Variants in GALNT18 observed in about 807,000 individuals in gnomAD.
GALNT18 encodes GalNAc-transferase 18.
In GALNT18, 44 loss-of-function variants were observed where a neutral mutation model predicts 69.5. The observed-to-expected ratio is 0.63, with a 90% confidence interval of 0.50 to 0.81. GALNT18 has a LOEUF of 0.81. GALNT18 is among the 40% of genes least tolerant of loss of function. The pLI, the probability that GALNT18 is intolerant of heterozygous loss-of-function variation, is 0.00. For synonymous variants in GALNT18, 364 were observed against 318.2 expected (o/e 1.14, Z -1.53); for missense variants, 715 against 810.0 (o/e 0.88, Z 1.42).
chr11:11,295,264 A>G (rs1410920985), intron 9 of GALNT18, among the ~76,000 whole-genome samples: 1 of 152,106 alleles, frequency 6.6e-6, no homozygotes, highest in Non-Finnish European at 1.5e-5. Context: ...AACAGGAAAG[A>G]GACGGCCCAC....
At chr11:11,336,131 T>C (rs544739531) in intron 7 of GALNT18, among the ~76,000 whole-genome samples, 2 of 152,334 alleles carry the variant, frequency 1.3e-5, no homozygotes, top group East Asian at 3.9e-4. Context: ...ACTCAGCCTG[T>C]CTTTGGGCAA....
intron 1 of GALNT18, among the ~76,000 whole-genome samples, chr11:11,515,962 C>A (rs768147236): frequency 1.3e-5 from 2 of 152,156 alleles, no homozygotes; most frequent in Non-Finnish European, 2.9e-5. Flanking sequence ...AGTTTCTGGG[C>A]GGGCCCAGTC....
Position 11,590,944 on chromosome 11 carries a change from T to C in GALNT18, c.235+30415A>G, listed in dbSNP as rs74514623. On this transcript the variant is annotated intron_variant, in intron 1 of 10. Coordinates refer to ENST00000227756, the MANE Select transcript of GALNT18 (RefSeq NM_198516.3). This position sits in a 1 kb window ranked among gnomAD's most constrained non-coding sequence, Gnocchi z 4.4. ...ACTGGTTTATGTATTTACTATATTA[T>C]ATTTTTACTATTATTTTAGAATATA... is the stretch of plus-strand genomic sequence containing the variant. Among the ~76,000 whole-genome samples the C allele has an allele frequency of 0.024, 3,687 of 152,316 alleles. 157 individuals carry two copies. Among genetic ancestry groups the C allele is most frequent in the African/African-American group, 0.085 (3,515 of 41,550 alleles).
chr11:11,370,654 G>A (rs1850880628), intron 6 of GALNT18, among the ~76,000 whole-genome samples: 1 of 151,190 alleles, frequency 6.6e-6, no homozygotes, highest in South Asian at 2.1e-4. Flanking sequence ...ACCACCCAGA[G>A]ACATTTTAAC....
chr11:11,539,001 C>T (rs1453686605), intron 1 of GALNT18, among the ~76,000 whole-genome samples: 1 of 152,208 alleles, frequency 6.6e-6, no homozygotes, highest in Non-Finnish European at 1.5e-5. Flanking sequence ...AGGGACCTAA[C>T]TATCTTGTTC....
chr11:11,452,820 T>C (rs893693895), intron 1 of GALNT18, among the ~76,000 whole-genome samples: 5 of 152,160 alleles, frequency 3.3e-5, no homozygotes, highest in Admixed American at 1.3e-4. Context: ...CTGAAGCCCC[T>C]GCAGGCATTC....
rs1589999790 is a variant in GALNT18, at chr11:11,436,007, C to T, written c.429-3220G>A. Among the ~76,000 whole-genome samples the T allele has an allele frequency of 6.6e-6, 1 of 152,262 alleles. No homozygotes were observed. Among genetic ancestry groups the T allele is most frequent in the African/African-American group, 2.4e-5 (1 of 41,466 alleles). On this transcript the variant is annotated intron_variant, in intron 2 of 10. Transcript: ENST00000227756. The surrounding 1 kb of genome is among the most constrained non-coding windows in gnomAD (Gnocchi z 4.5). The stretch of plus-strand genomic sequence containing the variant: ...CAGCCATGCTGCCGCTGTGGCCTCT[C>T]TCTCGGCATCAGGAGACACCTTTCC...
chr11:11,412,152 G>A (rs1271414038), intron 3 of GALNT18, among the ~76,000 whole-genome samples: 1 of 152,080 alleles, frequency 6.6e-6, no homozygotes, highest in African/African-American at 2.4e-5. Flanking sequence ...CCAAGGGAGT[G>A]CCTTCAACAC....
chr11:11,281,160 A>G (rs1459058033), intron 10 of GALNT18, among the ~76,000 whole-genome samples: 3 of 152,086 alleles, frequency 2.0e-5, no homozygotes, highest in Admixed American at 6.5e-5. Context: ...CCCGCTCTCT[A>G]ATTTGCAAGA....
At chr11:11,486,425 A>G (rs1223555488) in intron 1 of GALNT18, among the ~76,000 whole-genome samples, 1 of 152,206 alleles carries the variant, frequency 6.6e-6, no homozygotes, top group Non-Finnish European at 1.5e-5. Context: ...CACCCCTGTC[A>G]AGAAGGGGCA....
rs1378739202 is a variant in GALNT18 at position 11,582,462 on chromosome 11, C to T, written c.235+38897G>A. Among the ~76,000 whole-genome samples the T allele has an allele frequency of 2.6e-5, 4 of 152,230 alleles. No individual in the cohort carries two copies. Among genetic ancestry groups the T allele is most frequent in the Admixed American group, 2.6e-4 (4 of 15,286 alleles). ...TGACAATGAGTGACTGTCTCACTTG[C>T]TTGGACCACTGGAATAGGAGCAGAA... On this transcript the variant is annotated intron_variant, in intron 1 of 10. Transcript: ENST00000227756. The surrounding 1 kb of genome is among the most constrained non-coding windows in gnomAD (Gnocchi z 5.0).
chr11:11,293,061 T>C lies in GALNT18; in HGVS notation c.1645A>G (p.Lys549Glu), dbSNP rs760706102. ...AACTGCCAGTGAAGCTTCATCCTCT[T>C]GGCTTTGGCGTAGCTGCATTCGATG... is the stretch of plus-strand genomic sequence containing the variant. ...RLIECSYAKA[K>E]RMKLHWQFSQ... The change falls in exon 10 of 11, where the codon AAG becomes GAG. Residue 549 changes from lysine to glutamate, a missense_variant. Transcript: ENST00000227756. 3 of 1,389,698 alleles carry C rather than the reference T, an allele frequency of 2.2e-6. No individual in the cohort carries two copies. The highest frequency in any genetic ancestry group is 2.8e-6 in the Non-Finnish European group (3 of 1,063,186). The allele number at this position is 1,389,698 out of a possible 1,614,324, so 86.1% of individuals were successfully genotyped here.
intron 9 of GALNT18, among the ~76,000 whole-genome samples, chr11:11,301,432 G>T (rs1169279515): frequency 1.3e-5 from 2 of 152,176 alleles, no homozygotes; most frequent in African/African-American, 4.8e-5. Flanking sequence ...AGTGCTGAGG[G>T]CCACAGTGCA....
intron 3 of GALNT18, among the ~76,000 whole-genome samples, chr11:11,395,309 G>A (rs1589966511): frequency 2.0e-5 from 3 of 152,242 alleles, no homozygotes; most frequent in Admixed American, 1.3e-4. Context: ...GAGCAGAGGA[G>A]CCAAGAGGAA....
intron 1 of GALNT18, among the ~76,000 whole-genome samples, chr11:11,502,951 C>T (rs752678166): frequency 1.3e-5 from 2 of 152,162 alleles, no homozygotes; most frequent in Admixed American, 6.5e-5. Context: ...CTGCCCCATA[C>T]AGACACATTG....
chr11:11,535,378 T>G (rs767924166), intron 1 of GALNT18, among the ~76,000 whole-genome samples: 1 of 152,230 alleles, frequency 6.6e-6, no homozygotes, highest in Non-Finnish European at 1.5e-5. Context: ...GGTGATAACA[T>G]TTTCTGCATT....
chr11:11,458,533 G>C (rs1409765410), intron 1 of GALNT18, among the ~76,000 whole-genome samples: 1 of 152,188 alleles, frequency 6.6e-6, no homozygotes, highest in Non-Finnish European at 1.5e-5. Flanking sequence ...CCTGCCCGCT[G>C]ACTTCCAATG....
At chr11:11,424,531 C>CA (rs773899313) in intron 3 of GALNT18, among the ~76,000 whole-genome samples, 1 of 152,160 alleles carries the variant, frequency 6.6e-6, no homozygotes, top group East Asian at 1.9e-4. Flanking sequence ...CTTTTGTCAA[C>CA]AAAATTGACA....
chr11:11,461,073 G>T lies in GALNT18; in HGVS notation c.236-12137C>A, dbSNP rs1856031852. On this transcript the variant is annotated intron_variant, in intron 1 of 10. Transcript: ENST00000227756. The surrounding 1 kb of genome is among the most constrained non-coding windows in gnomAD (Gnocchi z 4.1). ...CCAGCAAAAGACCAGAGTCAGTTCAGTCCGGGCTGACATGGCAGACAAAGG... is the reference window on the plus strand; with the variant it reads ...CCAGCAAAAGACCAGAGTCAGTTCATTCCGGGCTGACATGGCAGACAAAGG... Among the ~76,000 whole-genome samples, 1 of 152,186 alleles carries T rather than the reference G, an allele frequency of 6.6e-6. No individual in the cohort carries two copies. The highest frequency in any genetic ancestry group is 1.5e-5 in the Non-Finnish European group (1 of 68,036).
Sources: allele counts gnomAD v4.1 joint callset (sites outside exome capture counted in the v4.1 genomes callset), GRCh38; gene constraint gnomAD v4.1.1; non-coding constraint Gnocchi (gnomAD v3.1); transcripts MANE v1.5; gene names NCBI Gene and HGNC (gene_info 2026-07-23, HGNC 2026-07-21).